The following SUGCT variants were observed in gnomAD, a reference collection of about 807,000 sequenced individuals.
SUGCT encodes succinyl-CoA:glutarate CoA-transferase.
A neutral mutation model predicts 55.0 loss-of-function variants in SUGCT; 41 were observed. The ratio of observed to expected loss-of-function variants is 0.74; its 90% CI spans 0.58 to 0.97. The LOEUF is 0.97. Among genes scored for constraint, SUGCT ranks in the 50% least tolerant of loss-of-function variants. SUGCT has a pLI of 0.00. For missense variants in SUGCT, 568 were observed against 547.8 expected, an observed-to-expected ratio of 1.04 and a Z score of -0.37; for synonymous variants, 187 against 200.4, an observed-to-expected ratio of 0.93 and a Z score of 0.56.
chr7:40,504,601 T>C (rs1792485405), intron 12 of SUGCT, among the ~76,000 whole-genome samples: 1 of 151,994 alleles, frequency 6.6e-6, no homozygotes, highest in African/African-American at 2.4e-5. Context: ...CACCCGCTAA[T>C]TTTTGTGTTT....
chr7:40,422,615 A>G (rs1289431122), intron 9 of SUGCT, among the ~76,000 whole-genome samples: 3 of 152,196 alleles, frequency 2.0e-5, no homozygotes, highest in South Asian at 2.1e-4. Flanking sequence ...GTCAATCTGT[A>G]TACAATGTAA....
At chr7:40,386,435 T>C (rs1310665575) in intron 9 of SUGCT, among the ~76,000 whole-genome samples, 2 of 152,160 alleles carry the variant, frequency 1.3e-5, no homozygotes, top group African/African-American at 4.8e-5. Flanking sequence ...TAGAACAAAG[T>C]ATTCAGGTAA....
At chr7:40,797,381 C>T (rs890551228) in intron 13 of SUGCT, among the ~76,000 whole-genome samples, 1 of 152,048 alleles carries the variant, frequency 6.6e-6, no homozygotes, top group Non-Finnish European at 1.5e-5. Flanking sequence ...TAACTCAAGA[C>T]CTCCGAAACT....
the SUGCT span, among the ~76,000 whole-genome samples, chr7:40,896,511 T>C: frequency 6.6e-6 from 1 of 152,086 alleles, no homozygotes; most frequent in East Asian, 1.9e-4. Flanking sequence ...ATGGGGGCGG[T>C]TACCCCCCAT....
At chr7:40,345,717 ATAGGTATG>A (rs1797272913) in intron 9 of SUGCT, among the ~76,000 whole-genome samples, 1 of 152,116 alleles carries the variant, frequency 6.6e-6, no homozygotes, top group Non-Finnish European at 1.5e-5. Context: ...TTGCTGCATC[ATAGGTATG>A]TATATATTCA....
intron 9 of SUGCT, among the ~76,000 whole-genome samples, chr7:40,350,164 A>G (rs1468177631): frequency 6.6e-6 from 1 of 151,810 alleles, no homozygotes; most frequent in Non-Finnish European, 1.5e-5. Context: ...TATAATTGAT[A>G]TATGTCAATT....
chr7:40,210,793 C>T (rs144988738), intron 6 of SUGCT, among the ~76,000 whole-genome samples: 83 of 151,936 alleles, frequency 5.5e-4, no homozygotes, highest in Non-Finnish European at 9.0e-4. Context: ...AGTGCTTTGG[C>T]GGGAGTCAGG....
At chr7:40,791,008 A>G (rs1242601546) in intron 13 of SUGCT, among the ~76,000 whole-genome samples, 1 of 152,206 alleles carries the variant, frequency 6.6e-6, no homozygotes, top group East Asian at 1.9e-4. Context: ...CTTCCAGGAT[A>G]TGGAGGAGCT....
chr7:40,336,583 T>A (rs1403742026), intron 9 of SUGCT, among the ~76,000 whole-genome samples: 1 of 152,234 alleles, frequency 6.6e-6, no homozygotes, highest in Non-Finnish European at 1.5e-5. Context: ...TTCTGTGGGA[T>A]CGGTCATGAT....
intron 9 of SUGCT, among the ~76,000 whole-genome samples, chr7:40,396,677 A>G (rs1301127420): frequency 3.3e-5 from 5 of 152,164 alleles, no homozygotes; most frequent in Admixed American, 6.5e-5. Context: ...TTTAACATTG[A>G]TTTCCCACGT....
In SUGCT at chr7:40,308,155, G is replaced by C. The variant is rs1030506783; in HGVS notation, c.721-8605G>C. On this transcript the variant is annotated intron_variant, in intron 8 of 13. Transcript: ENST00000335693. ...CTTCTAGTCCATTCCATTGATGTAG[G>C]GGGACTTGCCTGGAATATAAAATGT... 3.9e-5 allele frequency among the ~76,000 whole-genome samples: 6 copies of C among 152,232 alleles called. No homozygotes were observed. The South Asian group carries it at 1.2e-3, about 32-fold the overall frequency.
At chr7:40,346,105 A>G (rs1797291692) in intron 9 of SUGCT, among the ~76,000 whole-genome samples, 1 of 152,038 alleles carries the variant, frequency 6.6e-6, no homozygotes, top group Admixed American at 6.5e-5. Flanking sequence ...ATTCTCTAGA[A>G]GATTGAAATT....
At chr7:40,325,000 T>G (rs1562681876) in intron 9 of SUGCT, among the ~76,000 whole-genome samples, 1 of 152,208 alleles carries the variant, frequency 6.6e-6, no homozygotes, top group Non-Finnish European at 1.5e-5. Context: ...TTTGGGCTTA[T>G]TCAACCAAGG....
chr7:40,774,668 A>G (rs1279123392), intron 13 of SUGCT, among the ~76,000 whole-genome samples: 1 of 152,136 alleles, frequency 6.6e-6, no homozygotes, highest in East Asian at 1.9e-4. Flanking sequence ...AAGCCTTGCA[A>G]AGACTTACAG....
At chr7:40,558,040 A>C (rs111441390) in intron 12 of SUGCT, among the ~76,000 whole-genome samples, 2 of 152,142 alleles carry the variant, frequency 1.3e-5, no homozygotes, top group African/African-American at 4.8e-5. Flanking sequence ...CATTAAGGAA[A>C]TGCAAGTTAA....
At chr7:40,381,445 T>G (rs907931860) in intron 9 of SUGCT, among the ~76,000 whole-genome samples, 1 of 123,560 alleles carries the variant, frequency 8.1e-6, no homozygotes, top group Non-Finnish European at 1.7e-5. Flanking sequence ...CTTTTATAAT[T>G]TTATGTTCTT....
At chr7:40,570,929 G>A (rs990640903) in intron 12 of SUGCT, among the ~76,000 whole-genome samples, 1 of 124,384 alleles carries the variant, frequency 8.0e-6, no homozygotes, top group Non-Finnish European at 1.6e-5. Context: ...GCATGATGTT[G>A]GCTTACTGCA....
chr7:40,255,353 A>G (rs1790737910), intron 7 of SUGCT, among the ~76,000 whole-genome samples: 1 of 151,888 alleles, frequency 6.6e-6, no homozygotes, highest in East Asian at 1.9e-4. Flanking sequence ...GCCTGACTTA[A>G]TGAAAGTATT....
At chr7:40,499,666 T>G (rs942274623) in intron 12 of SUGCT, among the ~76,000 whole-genome samples, 9 of 152,096 alleles carry the variant, frequency 5.9e-5, no homozygotes, top group Middle Eastern at 3.4e-3. Context: ...ACCCTTAGAG[T>G]GGGAGTTTTA....
Sources: gnomAD v4.1 joint callset for allele counts (sites outside exome capture counted in the v4.1 genomes callset) on GRCh38, gnomAD v4.1.1 for gene constraint, MANE v1.5 for transcripts, NCBI Gene and HGNC (gene_info 2026-07-23, HGNC 2026-07-21) for gene names.